The following MYRIP variants were observed in gnomAD, a reference collection of about 807,000 sequenced individuals.
The protein encoded by MYRIP is myosin VIIA and Rab interacting protein.
A neutral mutation model predicts 98.0 loss-of-function variants in MYRIP; 49 were observed. That is an observed-to-expected ratio of 0.50 (90% CI 0.40 to 0.63). The LOEUF (loss-of-function observed/expected upper bound fraction) is 0.63. Among genes scored for constraint, MYRIP ranks in the 30% least tolerant of loss-of-function variants. MYRIP has a pLI of 0.00. For synonymous variants in MYRIP, 404 were observed against 409.5 expected, an observed-to-expected ratio of 0.99 and a Z score of 0.16; for missense variants, 1,004 against 1,058.2, an observed-to-expected ratio of 0.95 and a Z score of 0.71.
chr3:39,949,844 A>C lies in MYRIP; in HGVS notation c.110+48918A>C, dbSNP rs145565536. ...GTGCTCTTTTGTTTTAATTTTATCT[A>C]TCTCCTGTCTTGGGTTCCAGTTTCT... is the stretch of plus-strand genomic sequence containing the variant. On this transcript the variant is annotated intron_variant, in intron 2 of 16. Coordinates refer to ENST00000302541, the MANE Select transcript of MYRIP (RefSeq NM_015460.4). 4.0e-3 allele frequency among the ~76,000 whole-genome samples: 616 copies of C among 152,188 alleles called. 3 individuals are homozygous for C. Among genetic ancestry groups the C allele is most frequent in the African/African-American group, 0.014 (592 of 41,532 alleles).
At chr3:39,886,952 C>G (rs1943322376) in intron 1 of MYRIP, among the ~76,000 whole-genome samples, 1 of 152,024 alleles carries the variant, frequency 6.6e-6, no homozygotes, top group Non-Finnish European at 1.5e-5. Context: ...AAGCTCTCCT[C>G]AGCAAATGTA....
intron 2 of MYRIP, among the ~76,000 whole-genome samples, chr3:39,957,211 A>G (rs1201983339): frequency 6.6e-6 from 1 of 151,724 alleles, no homozygotes; most frequent in Non-Finnish European, 1.5e-5. Flanking sequence ...CCAAAGCCTG[A>G]CAGGGACACA....
At chr3:40,042,685 T>C (rs1947567595) in intron 2 of MYRIP, among the ~76,000 whole-genome samples, 1 of 152,090 alleles carries the variant, frequency 6.6e-6, no homozygotes, top group Non-Finnish European at 1.5e-5. Flanking sequence ...ACAATAGTAG[T>C]AGTAAATAGT....
intron 9 of MYRIP, among the ~76,000 whole-genome samples, chr3:40,182,856 G>C (rs944663616): frequency 5.3e-5 from 8 of 152,194 alleles, no homozygotes; most frequent in South Asian, 4.1e-4. Context: ...TCTGAAACTG[G>C]ATAAATTAGT....
At position 40,185,424 on chromosome 3, in the gene MYRIP, C is replaced by T. The variant is rs531565099; in HGVS notation, c.1027+3051C>T. 1.4e-4 allele frequency among the ~76,000 whole-genome samples: 22 copies of T among 152,178 alleles called. No homozygotes were observed. The South Asian group carries it at 3.9e-3, about 27-fold the overall frequency. On this transcript the variant is annotated intron_variant, in intron 9 of 16. Coordinates refer to ENST00000302541, the MANE Select transcript of MYRIP (RefSeq NM_015460.4). ...GGATCACTCAGTGAGAGTTAGTTGT[C>T]TGCACAATAATGGAAGAGCAGGAAT... is the stretch of plus-strand genomic sequence containing the variant.
intron 10 of MYRIP, among the ~76,000 whole-genome samples, chr3:40,199,197 C>G (rs1198674316): frequency 6.6e-6 from 1 of 152,164 alleles, no homozygotes; most frequent in Non-Finnish European, 1.5e-5. Context: ...TCCTGTGGAT[C>G]CTTGTGGAGA....
chr3:39,976,171 A>G (rs1057140203), intron 2 of MYRIP, among the ~76,000 whole-genome samples: 2 of 152,198 alleles, frequency 1.3e-5, no homozygotes, highest in Non-Finnish European at 2.9e-5. Flanking sequence ...GCTAATATTC[A>G]GAATCTACAA....
intron 3 of MYRIP, among the ~76,000 whole-genome samples, chr3:40,100,721 G>A (rs565633686): frequency 1.3e-5 from 2 of 152,174 alleles, no homozygotes; most frequent in Non-Finnish European, 2.9e-5. Context: ...CTTACTCTGG[G>A]CTAACCCAAC....
intron 5 of MYRIP, among the ~76,000 whole-genome samples, chr3:40,165,615 G>A (rs1950484210): frequency 6.6e-6 from 1 of 152,102 alleles, no homozygotes; most frequent in South Asian, 2.1e-4. Flanking sequence ...AAAACTAAGA[G>A]AAGGATGATA....
At chr3:40,001,788 C>T (rs973520914) in intron 2 of MYRIP, among the ~76,000 whole-genome samples, 2 of 152,078 alleles carry the variant, frequency 1.3e-5, no homozygotes, top group Non-Finnish European at 2.9e-5. Flanking sequence ...GAGCTGATTG[C>T]AATAAGAGAT....
chr3:39,887,252 T>G (rs866200783), intron 1 of MYRIP, among the ~76,000 whole-genome samples: 112 of 151,506 alleles, frequency 7.4e-4, no homozygotes, highest in African/African-American at 2.4e-3. Context: ...GATCCAAAAT[T>G]GACACCCTAA....
At chr3:39,909,906 T>C (rs547918065) in intron 2 of MYRIP, among the ~76,000 whole-genome samples, 20 of 152,254 alleles carry the variant, frequency 1.3e-4, no homozygotes, top group African/African-American at 4.8e-4. Flanking sequence ...GTTTGTTTTG[T>C]TTTGAGACAG....
At position 40,245,747 on chromosome 3, in the gene MYRIP, A is replaced by ATTTTTTTT. The variant is rs539410162; in HGVS notation, c.2262+1151_2262+1158dup. Reference sequence around the variant, plus strand: ...TTCAGTATAGACCCCTGGTTTGCTGATTTTTTTTTTTTTTTTTTGAGACAG... The same window carrying ATTTTTTTT: ...TTCAGTATAGACCCCTGGTTTGCTGATTTTTTTTTTTTTTTTTTTTTTTTTTGAGACAG... On this transcript the variant is annotated intron_variant, in intron 13 of 16. Coordinates refer to ENST00000302541, the MANE Select transcript of MYRIP (RefSeq NM_015460.4). 6.3e-4 allele frequency among the ~76,000 whole-genome samples: 60 copies of ATTTTTTTT among 95,860 alleles called. 3 individuals carry two copies. Among genetic ancestry groups the ATTTTTTTT allele is most frequent in the African/African-American group, 1.3e-3 (29 of 22,906 alleles). 62.9% of individuals were successfully genotyped at this position (95,860 alleles called of 152,430 possible).
chr3:40,031,655 G>C (rs1477015797), intron 2 of MYRIP, among the ~76,000 whole-genome samples: 1 of 152,152 alleles, frequency 6.6e-6, no homozygotes, highest in Non-Finnish European at 1.5e-5. Context: ...GAGAAATGAA[G>C]TCTCCCATAA....
intron 3 of MYRIP, among the ~76,000 whole-genome samples, chr3:40,102,261 G>C (rs1263977495): frequency 6.6e-6 from 1 of 152,200 alleles, no homozygotes; most frequent in Non-Finnish European, 1.5e-5. Context: ...GGTAAGCACA[G>C]TATAAAAGGG....
chr3:39,957,358 G>A (rs1359784045), intron 2 of MYRIP, among the ~76,000 whole-genome samples: 1 of 149,574 alleles, frequency 6.7e-6, no homozygotes, highest in Non-Finnish European at 1.5e-5. Context: ...TCCCTGGGAT[G>A]CAAGGCTGGC....
intron 2 of MYRIP, among the ~76,000 whole-genome samples, chr3:39,954,858 C>T (rs889071881): frequency 6.6e-6 from 1 of 151,904 alleles, no homozygotes; most frequent in Non-Finnish European, 1.5e-5. Flanking sequence ...ACCCATGGCA[C>T]GAGAACTACG....
At chr3:39,842,461 G>A (rs184362917) in intron 1 of MYRIP, among the ~76,000 whole-genome samples, 1 of 152,274 alleles carries the variant, frequency 6.6e-6, no homozygotes, top group Non-Finnish European at 1.5e-5. Context: ...CTTTCCAGGG[G>A]AGTGAACGGT....
At chr3:40,174,975 C>A (rs1271474035) in intron 8 of MYRIP, among the ~76,000 whole-genome samples, 9 of 152,016 alleles carry the variant, frequency 5.9e-5, no homozygotes, top group Non-Finnish European at 1.3e-4. Flanking sequence ...AACCCCATCT[C>A]TATTAAAAAC....
Sources: gnomAD v4.1 joint callset for allele counts (sites outside exome capture counted in the v4.1 genomes callset) on GRCh38, gnomAD v4.1.1 for gene constraint, MANE v1.5 for transcripts, NCBI Gene and HGNC (gene_info 2026-07-23, HGNC 2026-07-21) for gene names.